Variants in TENM2 observed in about 807,000 individuals in gnomAD.
TENM2 encodes the protein teneurin-2.
TENM2 carries 52 observed loss-of-function variants against 245.2 expected under a neutral mutation model. The ratio of observed to expected loss-of-function variants is 0.21; its 90% CI spans 0.17 to 0.27. The LOEUF (loss-of-function observed/expected upper bound fraction) is 0.27. Ranked by LOEUF, TENM2 falls within the 10% of genes least tolerant of loss-of-function variation. The pLI is 1.00. For synonymous variants in TENM2, 1,363 were observed against 1,438.9 expected (o/e 0.95, Z 1.19); for missense variants, 3,046 against 3,666.8 (o/e 0.83, Z 4.37).
At chr5:167,870,461 G>A (rs1772708116) in intron 2 of TENM2, among the ~76,000 whole-genome samples, 1 of 151,774 alleles carries the variant, frequency 6.6e-6, no homozygotes, top group African/African-American at 2.4e-5. Flanking sequence ...AGGAAAGTCA[G>A]TTCAACTAAG....
At chr5:167,925,939 G>A (rs114377467) in intron 3 of TENM2, among the ~76,000 whole-genome samples, 1,798 of 152,214 alleles carry the variant, frequency 0.012, 32 homozygotes, top group African/African-American at 0.041. Flanking sequence ...AACAACAGAC[G>A]CTGGGGTCCA....
At chr5:167,020,307 T>C in the TENM2 span, among the ~76,000 whole-genome samples, 1 of 152,226 alleles carries the variant, frequency 6.6e-6, no homozygotes, top group Non-Finnish European at 1.5e-5. Flanking sequence ...AAAATAATTC[T>C]GGAAGTTATA....
At chr5:167,517,573 C>T (rs959511267) in intron 2 of TENM2, among the ~76,000 whole-genome samples, 2 of 150,750 alleles carry the variant, frequency 1.3e-5, no homozygotes, top group Admixed American at 1.3e-4. Flanking sequence ...AATCCAACAG[C>T]GTTATCTCAT....
intron 3 of TENM2, among the ~76,000 whole-genome samples, chr5:167,929,529 C>T (rs1778120893): frequency 6.6e-6 from 1 of 152,192 alleles, no homozygotes. Context: ...AAAGGACCAA[C>T]TCCTCAAGGA....
At chr5:167,120,389 A>T in the TENM2 span, among the ~76,000 whole-genome samples, 1 of 152,190 alleles carries the variant, frequency 6.6e-6, no homozygotes, top group Non-Finnish European at 1.5e-5. Flanking sequence ...AGGCTGTGGG[A>T]GAGGAGGGGA....
intron 12 of TENM2, 76 bp from the exon 15 acceptor site, chr5:168,162,535 C>A: frequency 6.6e-7 from 1 of 1,520,776 alleles, no homozygotes. Flanking sequence ...GGCCTTGCTC[C>A]CCTCTGCATG....
chr5:167,972,172 GAC>G (rs770647351), intron 4 of TENM2, among the ~76,000 whole-genome samples: 13 of 152,100 alleles, frequency 8.5e-5, no homozygotes, highest in Non-Finnish European at 7.4e-5. Context: ...TCAACACATA[GAC>G]AGAAAATGGA....
At chr5:167,264,213 C>T in the TENM2 span, among the ~76,000 whole-genome samples, 2 of 151,770 alleles carry the variant, frequency 1.3e-5, no homozygotes, top group South Asian at 4.2e-4. Context: ...AATTAAGACA[C>T]GGTTTTTCTA....
At chr5:167,999,680 A>G (rs1009860262) in intron 5 of TENM2, among the ~76,000 whole-genome samples, 1 of 152,188 alleles carries the variant, frequency 6.6e-6, no homozygotes, top group African/African-American at 2.4e-5. Context: ...GGGGACTTGA[A>G]GTGCTTCAGG....
chr5:167,670,253 A>G (rs562405594), intron 2 of TENM2, among the ~76,000 whole-genome samples: 4 of 152,286 alleles, frequency 2.6e-5, no homozygotes, highest in African/African-American at 9.6e-5. Context: ...GCGCTTTGTG[A>G]TCCTTCTCTG....
At chr5:167,206,872 A>G in the TENM2 span, among the ~76,000 whole-genome samples, 1 of 152,190 alleles carries the variant, frequency 6.6e-6, no homozygotes, top group Non-Finnish European at 1.5e-5. Context: ...AATAATTGCC[A>G]TATCAAATAA....
At chr5:167,107,957 A>T in the TENM2 span, among the ~76,000 whole-genome samples, 1 of 152,028 alleles carries the variant, frequency 6.6e-6, no homozygotes, top group African/African-American at 2.4e-5. Context: ...ACAGCAGAAG[A>T]CTCGGCCCAC....
chr5:167,252,253 G>A, the TENM2 span, among the ~76,000 whole-genome samples: 1 of 152,170 alleles, frequency 6.6e-6, no homozygotes, highest in South Asian at 2.1e-4. Context: ...AAGGAAAGAC[G>A]TTAATGGGCT....
intron 27 of TENM2, among the ~76,000 whole-genome samples, chr5:168,255,801 T>G (rs1767600217): frequency 6.6e-6 from 1 of 152,062 alleles, no homozygotes; most frequent in South Asian, 2.1e-4. Flanking sequence ...TATTTTTTAT[T>G]TATTTATTTT....
At chr5:168,106,545 T>C (rs1178596964) in intron 9 of TENM2, among the ~76,000 whole-genome samples, 1 of 152,200 alleles carries the variant, frequency 6.6e-6, no homozygotes, top group Non-Finnish European at 1.5e-5. Context: ...ACTGAGCAAG[T>C]AAGTGGAATT....
the TENM2 span, among the ~76,000 whole-genome samples, chr5:167,255,951 A>G: frequency 6.6e-6 from 1 of 152,138 alleles, no homozygotes; most frequent in Non-Finnish European, 1.5e-5. Context: ...AGGATTATTA[A>G]AGAGATGTTT....
intron 12 of TENM2, among the ~76,000 whole-genome samples, chr5:168,147,273 A>T (rs1756178614): frequency 6.6e-6 from 1 of 152,248 alleles, no homozygotes; most frequent in African/African-American, 2.4e-5. Flanking sequence ...TTTTATATTC[A>T]CCAGAGAACT....
chr5:167,667,178 T>G (rs982948275), intron 2 of TENM2, among the ~76,000 whole-genome samples: 3 of 152,192 alleles, frequency 2.0e-5, no homozygotes, highest in Admixed American at 1.3e-4. Flanking sequence ...AAAACTGGCT[T>G]AAGAATAAGG....
At chr5:167,350,435 GT>G (rs1758758065) in intron 1 of TENM2, among the ~76,000 whole-genome samples, 1 of 150,048 alleles carries the variant, frequency 6.7e-6, no homozygotes, top group African/African-American at 2.5e-5. Context: ...GTGTGTGTGT[GT>G]GTGTGTGTGT....
Sources: allele counts gnomAD v4.1 joint callset (sites outside exome capture counted in the v4.1 genomes callset), GRCh38; gene constraint gnomAD v4.1.1; transcripts MANE v1.5; gene names NCBI Gene and HGNC (gene_info 2026-07-23, HGNC 2026-07-21).